ZNF536: variants seen among roughly 807,000 people sequenced by gnomAD.
The protein encoded by ZNF536 is zinc finger protein 536.
In ZNF536, 13 loss-of-function variants were observed where a neutral mutation model predicts 84.5. The ratio of observed to expected loss-of-function variants is 0.15; its 90% CI spans 0.10 to 0.24. The LOEUF (loss-of-function observed/expected upper bound fraction) is 0.24, where lower values mean the gene tolerates loss of function less well. ZNF536 is among the 10% of genes least tolerant of loss of function. The pLI is 1.00. For missense variants in ZNF536, 1,536 were observed against 1,747.5 expected, an observed-to-expected ratio of 0.88 and a Z score of 2.16; for synonymous variants, 811 against 742.5, an observed-to-expected ratio of 1.09 and a Z score of -1.50.
chr19:30,404,144 C>T (rs144592824), intron 1 of ZNF536, among the ~76,000 whole-genome samples: 2 of 151,442 alleles, frequency 1.3e-5, no homozygotes, highest in East Asian at 2.0e-4. Context: ...AGAACTGTAG[C>T]GTAAGGCCAG....
chr19:30,226,139 G>C (rs1246333173), upstream of ZNF536, among the ~76,000 whole-genome samples: 3 of 151,764 alleles, frequency 2.0e-5, no homozygotes, highest in East Asian at 6.0e-4. This position sits in a 1 kb window ranked among gnomAD's most constrained non-coding sequence, Gnocchi z 4.6. Context: ...GTCCAGCTCC[G>C]GGGACCCGGC....
intron 1 of ZNF536, among the ~76,000 whole-genome samples, chr19:30,580,088 C>G (rs939357274): frequency 7.9e-5 from 12 of 152,284 alleles, no homozygotes; most frequent in Middle Eastern, 3.4e-3. Context: ...TGGCTCCCTC[C>G]CTCATCTTCA....
intron 3 of ZNF536, among the ~76,000 whole-genome samples, chr19:30,535,564 T>C (rs2045036433): frequency 6.6e-6 from 1 of 152,064 alleles, no homozygotes. Flanking sequence ...ATTGAGATGC[T>C]CTTAGGCAAA....
chr19:30,676,628 A>G (rs1309788844), intron 1 of ZNF536, among the ~76,000 whole-genome samples: 2 of 152,236 alleles, frequency 1.3e-5, no homozygotes, highest in Non-Finnish European at 2.9e-5. Flanking sequence ...AGATTATGAT[A>G]TAGGATGGTG....
intron 1 of ZNF536, among the ~76,000 whole-genome samples, chr19:30,607,255 A>C (rs181120279): frequency 6.1e-4 from 93 of 152,290 alleles, no homozygotes; most frequent in African/African-American, 2.2e-3. Context: ...TTTTTTAAAA[A>C]TTCATGTGAA....
intron 3 of ZNF536, among the ~76,000 whole-genome samples, chr19:30,353,154 C>A (rs999575723): frequency 2.0e-5 from 3 of 152,282 alleles, no homozygotes; most frequent in Middle Eastern, 3.4e-3. Context: ...TAGGCTTCCA[C>A]GGTTATCATC....
At chr19:30,543,840 A>T (rs1222544590) in intron 3 of ZNF536, among the ~76,000 whole-genome samples, 3 of 152,078 alleles carry the variant, frequency 2.0e-5, no homozygotes, top group Non-Finnish European at 4.4e-5. Context: ...AACAGCTGGG[A>T]TGTTTCCAGT....
intron 1 of ZNF536, among the ~76,000 whole-genome samples, chr19:30,608,760 TG>T (rs2047987310): frequency 6.6e-6 from 1 of 152,212 alleles, no homozygotes; most frequent in Non-Finnish European, 1.5e-5. Context: ...GAACTTATGT[TG>T]TGGAAATCTC....
chr19:30,293,971 T>A (rs1223809807), intron 2 of ZNF536, among the ~76,000 whole-genome samples: 1 of 152,112 alleles, frequency 6.6e-6, no homozygotes, highest in Non-Finnish European at 1.5e-5. Flanking sequence ...TGTTTAAAGA[T>A]GAAGTTTGGG....
chr19:30,484,608 T>G (rs1272712879), intron 2 of ZNF536, among the ~76,000 whole-genome samples: 2 of 151,860 alleles, frequency 1.3e-5, no homozygotes. Flanking sequence ...CCCATCTCTG[T>G]GCAGGACCCA....
chr19:30,632,950 AG>A (rs1375779858), intron 1 of ZNF536, among the ~76,000 whole-genome samples: 1 of 152,236 alleles, frequency 6.6e-6, no homozygotes, highest in African/African-American at 2.4e-5. Flanking sequence ...GAGGAGGAAG[AG>A]GGCTGTGGAT....
intron 1 of ZNF536, among the ~76,000 whole-genome samples, chr19:30,636,986 C>G (rs1480921301): frequency 5.3e-5 from 8 of 152,166 alleles, no homozygotes; most frequent in African/African-American, 1.7e-4. Context: ...TTGGGCTCTC[C>G]CACATCTCTA....
chr19:30,711,308 C>G (rs757975344), exon 2 of ZNF536: 1 of 152,144 alleles, frequency 6.6e-6, no homozygotes, highest in Non-Finnish European at 1.5e-5. Context: ...GCCCTTCCAA[C>G]TCGAAAGTCG....
chr19:30,427,566 C>T lies in ZNF536; in HGVS notation c.-2-15995C>T, dbSNP rs116824386. Among the ~76,000 whole-genome samples, 355 of 151,960 alleles carry T rather than the reference C, an allele frequency of 2.3e-3. 2 individuals are homozygous for T. Among genetic ancestry groups the T allele is most frequent in the African/African-American group, 8.1e-3 (335 of 41,458 alleles). The stretch of plus-strand genomic sequence containing the variant: ...TGGTTGGCTGTAGATGTATCTCAGC[C>T]GGTTGGCTTTCTTGGCAGGATGGCT... On this transcript the variant is annotated intron_variant, in intron 1 of 4. Transcript: ENST00000355537.
intron 1 of ZNF536, among the ~76,000 whole-genome samples, chr19:30,639,017 T>G (rs2049171816): frequency 6.6e-6 from 1 of 152,240 alleles, no homozygotes; most frequent in South Asian, 2.1e-4. Flanking sequence ...GGTATAGTTA[T>G]TCTAAAGTCT....
In ZNF536 at chr19:30,288,382, G is replaced by C. The variant is rs756968767; in HGVS notation, c.-120+4241G>C. Among the ~76,000 whole-genome samples the C allele has an allele frequency of 1.5e-4, 23 of 152,318 alleles. No individual in the cohort carries two copies. In the Middle Eastern group the frequency reaches 0.01, roughly 68 times the overall value. ...ACTGCTCAGTCCTATTAGGTCAGCT[G>C]TCTTGAGGGGATAGGCTGAGGCTCT... On this transcript the variant is annotated intron_variant, in intron 2 of 5. Coordinates refer to the ZNF536 transcript ENST00000585628.
chr19:30,548,096 C>T lies in ZNF536; in HGVS notation c.2477C>T (p.Ser826Leu), dbSNP rs2045624823. The T allele has an allele frequency of 6.2e-7, 1 of 1,614,022 alleles. No individual in the cohort carries two copies. Among genetic ancestry groups the T allele is most frequent in the Non-Finnish European group, 8.5e-7 (1 of 1,180,022 alleles). Residue 826 changes from serine to leucine, a missense_variant, in exon 4 of 5, where the codon TCA becomes TTA. Ser to Leu is a moderately radical substitution (Grantham distance 145). Around this residue, in one of 8 missense-constraint regions of ZNF536, gnomAD observed 624 missense variants for 603.1 expected, o/e 1.03. Coordinates refer to ENST00000355537, the MANE Select transcript of ZNF536 (RefSeq NM_014717.3). ...PPNQDHKDEM[S>L]SKASLFIRPD... is the part of the protein sequence containing the mutation. Reference sequence around the variant, plus strand: ...AATCAAGACCACAAGGATGAGATGTCAAGCAAAGCTTCTCTGTTCATCAGG... The same window carrying T: ...AATCAAGACCACAAGGATGAGATGTTAAGCAAAGCTTCTCTGTTCATCAGG...
intron 1 of ZNF536, 38 bp from the exon 2 acceptor site, chr19:30,443,523 G>A (rs2052163368): frequency 1.3e-6 from 2 of 1,504,526 alleles, no homozygotes; most frequent in Non-Finnish European, 1.8e-6. Flanking sequence ...CGCCACAGCC[G>A]CACCTGGCAC....
At chr19:30,271,220 C>T (rs1444327189) in intron 1 of ZNF536, among the ~76,000 whole-genome samples, 1 of 151,732 alleles carries the variant, frequency 6.6e-6, no homozygotes, top group Non-Finnish European at 1.5e-5. Context: ...CTTTCTGTGC[C>T]CTGTGTTTGC....
Sources: gnomAD v4.1 joint callset for allele counts (sites outside exome capture counted in the v4.1 genomes callset) on GRCh38, gnomAD v4.1.1 for gene constraint, gnomAD v4.1.1 regional missense constraint, Gnocchi (gnomAD v3.1) non-coding constraint, MANE v1.5 for transcripts, NCBI Gene and HGNC (gene_info 2026-07-23, HGNC 2026-07-21) for gene names.